Variants in MAPK4 observed in about 807,000 individuals in gnomAD.
MAPK4 encodes mitogen-activated protein kinase 4.
A neutral mutation model predicts 47.7 loss-of-function variants in MAPK4; 22 were observed. That is an observed-to-expected ratio of 0.46 (90% confidence interval 0.33 to 0.66). The LOEUF (loss-of-function observed/expected upper bound fraction) is 0.66, where lower values mean the gene tolerates loss of function less well. MAPK4 is among the 30% of genes least tolerant of loss of function. The pLI, the probability that MAPK4 is intolerant of heterozygous loss-of-function variation, is 0.02. For missense variants in MAPK4, 736 were observed against 831.7 expected (o/e 0.88, Z 1.42); for synonymous variants, 390 against 365.7 (o/e 1.07, Z -0.76).
intron 5 of MAPK4, 125 bp downstream of exon 5, chr18:50,726,300 G>A: frequency 3.5e-6 from 3 of 866,926 alleles, no homozygotes; most frequent in Non-Finnish European, 5.5e-6. Context: ...GACTTCTCCA[G>A]CTTAGCTTCC....
At chr18:50,717,708 C>T (rs778403539) in intron 3 of MAPK4, among the ~76,000 whole-genome samples, 6 of 152,170 alleles carry the variant, frequency 3.9e-5, no homozygotes, top group Non-Finnish European at 7.3e-5. Context: ...AGTGGCAGGG[C>T]TAATCAAGAT....
intron 1 of MAPK4, among the ~76,000 whole-genome samples, chr18:50,576,934 G>C (rs117758499): frequency 6.6e-6 from 1 of 152,132 alleles, no homozygotes; most frequent in African/African-American, 2.4e-5. Context: ...CAAATATTTC[G>C]GGTAGGTGCT....
At chr18:50,685,184 T>C (rs16952401) in intron 2 of MAPK4, among the ~76,000 whole-genome samples, 2,655 of 152,324 alleles carry the variant, frequency 0.017, 66 homozygotes, top group African/African-American at 0.061. Flanking sequence ...CATTACTGCC[T>C]GTGCCTTGAA....
chr18:50,631,031 T>C (rs2042824657), intron 1 of MAPK4, among the ~76,000 whole-genome samples: 2 of 152,220 alleles, frequency 1.3e-5, no homozygotes, highest in South Asian at 4.1e-4. Flanking sequence ...CACAGTCCTT[T>C]CACAGTGATT....
intron 1 of MAPK4, among the ~76,000 whole-genome samples, chr18:50,563,741 C>T (rs182438916): frequency 9.9e-5 from 15 of 152,280 alleles, no homozygotes; most frequent in South Asian, 2.1e-4. Context: ...TTGCCCATTT[C>T]GTCACTCCTT....
rs1339951700 is a variant in MAPK4 at position 50,729,571 on chromosome 18, C to T, written c.1481C>T (p.Ala494Val). The T allele has an allele frequency of 7.0e-7, 1 of 1,423,990 alleles. No individual in the cohort carries two copies. The highest frequency in any genetic ancestry group is 3.0e-5 in the Admixed American group (1 of 32,924). 88.2% of individuals were successfully genotyped at this position (1,423,990 alleles called of 1,614,324 possible). The change falls in exon 6 of 6, where the codon GCG (alanine) becomes GTG (valine). Residue 494 changes from alanine to valine, a missense_variant. Ala to Val is a moderately conservative substitution (Grantham distance 64, BLOSUM62 0). Around this residue, in one of 3 missense-constraint regions of MAPK4, gnomAD observed 377 missense variants for 378.6 expected, o/e 1.00. Coordinates refer to ENST00000400384, the MANE Select transcript of MAPK4 (RefSeq NM_002747.4). The stretch of plus-strand genomic sequence containing the variant: ...CCGGCCAGCCTCTTCCTGGAGATCG[C>T]GCAGTGGGTCAAGAGCACGCAGGGC... ...DEPASLFLEI[A>V]QWVKSTQGGP...
chr18:50,609,344 G>T (rs1381628427), intron 1 of MAPK4, among the ~76,000 whole-genome samples: 1 of 150,954 alleles, frequency 6.6e-6, no homozygotes, highest in African/African-American at 2.4e-5. Flanking sequence ...GCCGGGCGGA[G>T]GCGCCCCCCA....
intron 4 of MAPK4, among the ~76,000 whole-genome samples, chr18:50,723,996 C>T (rs1047292506): frequency 2.6e-5 from 4 of 152,006 alleles, no homozygotes; most frequent in African/African-American, 9.7e-5. Flanking sequence ...GTCTGTGGAG[C>T]AGCTTTGGGG....
chr18:50,684,846 T>C (rs1305824516), intron 2 of MAPK4, among the ~76,000 whole-genome samples: 2 of 151,940 alleles, frequency 1.3e-5, no homozygotes, highest in Non-Finnish European at 2.9e-5. Flanking sequence ...AAAAGGAGGC[T>C]CCAGGCAGAC....
In MAPK4 at chr18:50,618,194, C is replaced by A. The variant is rs79454066; in HGVS notation, c.-870-44895C>A. Among the ~76,000 whole-genome samples the A allele has an allele frequency of 2.7e-3, 405 of 152,310 alleles. 2 individuals are homozygous for A. The highest frequency in any genetic ancestry group is 9.2e-3 in the African/African-American group (382 of 41,560). On this transcript the variant is annotated intron_variant, in intron 1 of 5. Transcript: ENST00000400384. The stretch of plus-strand genomic sequence containing the variant: ...TACCTCCATCTCCAGGCTTAACCTA[C>A]TGAGCTCTCCCATCATCTCTGATCC...
At chr18:50,605,724 C>A (rs1053832533) in intron 1 of MAPK4, among the ~76,000 whole-genome samples, 1 of 152,156 alleles carries the variant, frequency 6.6e-6, no homozygotes, top group African/African-American at 2.4e-5. Context: ...GGACCCATGG[C>A]CCAGCCTCCT....
At chr18:50,631,405 A>G (rs2042828623) in intron 1 of MAPK4, among the ~76,000 whole-genome samples, 1 of 152,198 alleles carries the variant, frequency 6.6e-6, no homozygotes, top group South Asian at 2.1e-4. Flanking sequence ...GTACATCCAG[A>G]AAAAGGAAGA....
chr18:50,655,519 C>T (rs2043099790), intron 1 of MAPK4, among the ~76,000 whole-genome samples: 1 of 152,138 alleles, frequency 6.6e-6, no homozygotes. Context: ...TGAGCATGCA[C>T]AGGTCACTCC....
At chr18:50,609,339 G>A (rs1234482919) in intron 1 of MAPK4, among the ~76,000 whole-genome samples, 1 of 151,248 alleles carries the variant, frequency 6.6e-6, no homozygotes, top group African/African-American at 2.4e-5. Flanking sequence ...CGGCGGCCGG[G>A]CGGAGGCGCC....
chr18:50,659,304 A>T (rs1175796029), intron 1 of MAPK4, among the ~76,000 whole-genome samples: 10 of 152,294 alleles, frequency 6.6e-5, no homozygotes, highest in Admixed American at 2.6e-4. Context: ...TCAGCTGGAA[A>T]TAGCGGCTCC....
At chr18:50,618,202 T>G (rs907156515) in intron 1 of MAPK4, among the ~76,000 whole-genome samples, 1 of 152,170 alleles carries the variant, frequency 6.6e-6, no homozygotes, top group African/African-American at 2.4e-5. Flanking sequence ...TACTGAGCTC[T>G]CCCATCATCT....
At chr18:50,635,516 C>T (rs749377177) in intron 1 of MAPK4, among the ~76,000 whole-genome samples, 7 of 152,210 alleles carry the variant, frequency 4.6e-5, no homozygotes, top group Middle Eastern at 3.2e-3. Flanking sequence ...ATCTCTGTAG[C>T]GTAGTCCAAC....
intron 1 of MAPK4, among the ~76,000 whole-genome samples, chr18:50,604,961 A>G (rs191250657): frequency 6.6e-6 from 1 of 152,318 alleles, no homozygotes; most frequent in Admixed American, 6.5e-5. Flanking sequence ...GCCTTAAATT[A>G]TTGAACATAT....
chr18:50,616,148 T>C (rs935514753), intron 1 of MAPK4, among the ~76,000 whole-genome samples: 2 of 152,206 alleles, frequency 1.3e-5, no homozygotes, highest in African/African-American at 2.4e-5. Flanking sequence ...GGTATATGTC[T>C]TAAGGGTCTG....
Sources: allele counts gnomAD v4.1 joint callset (sites outside exome capture counted in the v4.1 genomes callset), GRCh38; gene constraint gnomAD v4.1.1; regional missense constraint gnomAD v4.1.1; transcripts MANE v1.5; gene names NCBI Gene and HGNC (gene_info 2026-07-23, HGNC 2026-07-21).